SLFN12L: variants seen among roughly 807,000 people sequenced by gnomAD.
The protein encoded by SLFN12L is schlafen family member 12 like, also known as schlafen family member 12-like.
SLFN12L carries 34 observed loss-of-function variants against 34.8 expected under a neutral mutation model. The observed-to-expected ratio is 0.98, with a 90% CI of 0.74 to 1.30. The LOEUF (loss-of-function observed/expected upper bound fraction) is 1.30. SLFN12L is among the 50% of genes most tolerant of loss of function. The pLI, the probability that SLFN12L is intolerant of heterozygous loss-of-function variation, is 0.00. For synonymous variants in SLFN12L, 259 were observed against 247.5 expected (o/e 1.05, Z -0.44); for missense variants, 703 against 696.2 (o/e 1.01, Z -0.11).
intron 2 of SLFN12L, chr17:35,490,947 C>T (rs1389745924): frequency 8.9e-6 from 7 of 786,940 alleles, no homozygotes; most frequent in African/African-American, 1.7e-5. Flanking sequence ...AAACCCACCT[C>T]GTTGGTTTCA....
rs976675474 is a variant in SLFN12L, at chr17:35,467,519, T to C, written c.*7404A>G. ...GCTCCCGAAACAAACAGGCATTCAA[T>C]AAAACTTTCATGACCCTAATAGGTC... is the stretch of plus-strand genomic sequence containing the variant. On this transcript the variant is annotated 3_prime_UTR_variant, in exon 5 of 5. Coordinates refer to ENST00000628453, the MANE Select transcript of SLFN12L (RefSeq NM_001363830.2). Among the ~76,000 whole-genome samples the C allele has an allele frequency of 6.6e-6, 1 of 152,178 alleles. No individual in the cohort carries two copies. Among genetic ancestry groups the C allele is most frequent in the African/African-American group, 2.4e-5 (1 of 41,450 alleles).
At chr17:35,535,054 C>T (rs778003095) in intron 1 of SLFN12L, among the ~76,000 whole-genome samples, 6 of 152,114 alleles carry the variant, frequency 3.9e-5, no homozygotes, top group South Asian at 2.1e-4. Flanking sequence ...ACAACAAATA[C>T]TATTATCTTT....
At chr17:35,489,553 G>A (rs140545346) in intron 2 of SLFN12L, among the ~76,000 whole-genome samples, 2 of 151,948 alleles carry the variant, frequency 1.3e-5, no homozygotes, top group African/African-American at 4.8e-5. Flanking sequence ...AACCCTGTCC[G>A]TATATATATG....
intron 2 of SLFN12L, chr17:35,498,517 T>C: frequency 1.6e-6 from 2 of 1,222,832 alleles, no homozygotes; most frequent in Non-Finnish European, 2.4e-6. Context: ...CCTCTCTTTG[T>C]CTGCCTCCAT....
intron 2 of SLFN12L, chr17:35,480,518 G>C: frequency 4.6e-6 from 1 of 215,472 alleles, no homozygotes; most frequent in East Asian, 1.0e-4. Context: ...TAAATCCCTG[G>C]AGGGATTCTA....
At chr17:35,476,521 A>AAGGAAG (rs1567642755) in intron 4 of SLFN12L, among the ~76,000 whole-genome samples, 1 of 121,184 alleles carries the variant, frequency 8.3e-6, no homozygotes, top group African/African-American at 3.1e-5. Flanking sequence ...AAGGAAGGAA[A>AAGGAAG]GAAGGAAGGA....
At chr17:35,491,751 T>C (rs142844254) in intron 2 of SLFN12L, among the ~76,000 whole-genome samples, 1,576 of 152,378 alleles carry the variant, frequency 0.01, 30 homozygotes, top group African/African-American at 0.036. Flanking sequence ...AAGTATGAAA[T>C]GAATTTCTTC....
At chr17:35,511,431 C>T (rs1292116459) in intron 2 of SLFN12L, among the ~76,000 whole-genome samples, 3 of 152,180 alleles carry the variant, frequency 2.0e-5, no homozygotes, top group African/African-American at 4.8e-5. Flanking sequence ...AGGTTTTACA[C>T]ACTTTACATA....
chr17:35,531,352 T>G (rs1188975438), intron 1 of SLFN12L, among the ~76,000 whole-genome samples: 1 of 152,204 alleles, frequency 6.6e-6, no homozygotes, highest in Non-Finnish European at 1.5e-5. Flanking sequence ...AGCAGGAAAT[T>G]ATGTAGAAGG....
intron 2 of SLFN12L, among the ~76,000 whole-genome samples, chr17:35,501,748 C>T (rs535210547): frequency 7.9e-5 from 12 of 152,260 alleles, no homozygotes; most frequent in South Asian, 4.1e-4. Flanking sequence ...GGTAGACTGG[C>T]CAGCATTAGA....
chr17:35,527,389 C>T (rs2072347105), intron 1 of SLFN12L, among the ~76,000 whole-genome samples: 1 of 152,050 alleles, frequency 6.6e-6, no homozygotes, highest in African/African-American at 2.4e-5. Flanking sequence ...ATACCAAAAC[C>T]TGGTAGAGAT....
chr17:35,507,514 T>TTTC (rs1281983571), intron 2 of SLFN12L, among the ~76,000 whole-genome samples: 1 of 152,170 alleles, frequency 6.6e-6, no homozygotes, highest in Non-Finnish European at 1.5e-5. Flanking sequence ...CTGTAGGAAA[T>TTTC]TTAACCTTAC....
chr17:35,494,349 A>G (rs568257615), intron 2 of SLFN12L, among the ~76,000 whole-genome samples: 1 of 152,322 alleles, frequency 6.6e-6, no homozygotes, highest in African/African-American at 2.4e-5. Flanking sequence ...TAACTTTTGT[A>G]TGGTAAAGGA....
chr17:35,501,698 G>A (rs1029420509), intron 2 of SLFN12L, among the ~76,000 whole-genome samples: 6 of 152,180 alleles, frequency 3.9e-5, no homozygotes, highest in African/African-American at 1.4e-4. Context: ...GGGAGACTAT[G>A]GAGTACTATG....
At chr17:35,495,939 ACACACAC>A (rs1212472934) in intron 2 of SLFN12L, among the ~76,000 whole-genome samples, 5 of 145,446 alleles carry the variant, frequency 3.4e-5, no homozygotes, top group East Asian at 2.0e-4. Flanking sequence ...ACACACACAC[ACACACAC>A]AACAAAACGC....
intron 2 of SLFN12L, chr17:35,491,018 C>G (rs113735670): frequency 2.3e-5 from 18 of 789,324 alleles, no homozygotes; most frequent in African/African-American, 2.2e-4. Flanking sequence ...TCCGGCCTCC[C>G]CAGCCAACCT....
In SLFN12L at chr17:35,469,344, T is replaced by C. The variant is rs1293453187; in HGVS notation, c.*5579A>G. Among the ~76,000 whole-genome samples the C allele has an allele frequency of 2.8e-5, 4 of 144,934 alleles. No individual in the cohort carries two copies. In the East Asian group the frequency reaches 7.9e-4, roughly 28 times the overall value. On this transcript the variant is annotated 3_prime_UTR_variant, in exon 5 of 5. Transcript: ENST00000628453. Reference sequence around the variant, plus strand: ...TATATATAAATATATATATAATATATATATATATGTATTTCAAACTTTTAA... The same window carrying C: ...TATATATAAATATATATATAATATACATATATATGTATTTCAAACTTTTAA...
At chr17:35,490,827 A>G in intron 2 of SLFN12L, 3 of 1,249,098 alleles carry the variant, frequency 2.4e-6, no homozygotes, top group Non-Finnish European at 1.2e-6. Context: ...AGAGCCTACA[A>G]ATACATTTGG....
intron 2 of SLFN12L, among the ~76,000 whole-genome samples, chr17:35,484,501 C>T (rs1180660191): frequency 6.6e-6 from 1 of 152,146 alleles, no homozygotes. Flanking sequence ...TTTCCAGTGC[C>T]AGGTACCAAT....
Sources: allele counts gnomAD v4.1 joint callset (sites outside exome capture counted in the v4.1 genomes callset), GRCh38; gene constraint gnomAD v4.1.1; transcripts MANE v1.5; gene names NCBI Gene and HGNC (gene_info 2026-07-23, HGNC 2026-07-21).